Variants in TRHDE observed in about 807,000 individuals in gnomAD.
TRHDE encodes thyrotropin-releasing hormone-degrading ectoenzyme.
In TRHDE, 72 loss-of-function variants were observed where a neutral mutation model predicts 125.7. That is an observed-to-expected ratio of 0.57 (90% CI 0.47 to 0.70). The LOEUF (loss-of-function observed/expected upper bound fraction) is 0.70. Among genes scored for constraint, TRHDE ranks in the 30% least tolerant of loss-of-function variants. TRHDE has a pLI of 0.00. For missense variants in TRHDE, 1,110 were observed against 1,327.1 expected, an observed-to-expected ratio of 0.84 and a Z score of 2.54; for synonymous variants, 509 against 509.1, an observed-to-expected ratio of 1.00 and a Z score of 0.00.
intron 5 of TRHDE, among the ~76,000 whole-genome samples, chr12:72,492,315 GCTAA>G (rs928617236): frequency 4.6e-5 from 7 of 151,834 alleles, no homozygotes; most frequent in Non-Finnish European, 1.0e-4. Flanking sequence ...GGTAAATCTA[GCTAA>G]CTTTCAACTG....
At chr12:72,422,493 A>G (rs1485609669) in intron 3 of TRHDE, among the ~76,000 whole-genome samples, 1 of 152,216 alleles carries the variant, frequency 6.6e-6, no homozygotes, top group Non-Finnish European at 1.5e-5. Context: ...GAAATGGATT[A>G]AGATAGGAAT....
chr12:72,656,916 T>C lies in TRHDE; in HGVS notation c.2985-11T>C. ...CCTGCATTGACATTAAGACTCTTTT[T>C]TTCTTTTGAGGTATGGAGAAGCATT... On this transcript the variant is annotated splice_polypyrimidine_tract_variant and intron_variant, in intron 17 of 18. Coordinates refer to ENST00000261180, the MANE Select transcript of TRHDE (RefSeq NM_013381.3). 1 of 1,583,772 alleles carries C rather than the reference T, an allele frequency of 6.3e-7. No individual in the cohort carries two copies. The highest frequency in any genetic ancestry group is 1.4e-5 in the African/African-American group (1 of 73,640).
chr12:72,418,233 T>C (rs1873810386), intron 3 of TRHDE, among the ~76,000 whole-genome samples: 1 of 152,196 alleles, frequency 6.6e-6, no homozygotes, highest in Non-Finnish European at 1.5e-5. Flanking sequence ...GTTTCTCTTT[T>C]TGTGTTCAAT....
intron 15 of TRHDE, among the ~76,000 whole-genome samples, chr12:72,641,219 A>AATT (rs1352082194): frequency 6.6e-6 from 1 of 152,212 alleles, no homozygotes; most frequent in African/African-American, 2.4e-5. Context: ...TGGCAAGTAT[A>AATT]ATTTTCCTCT....
intron 14 of TRHDE, 40 bp downstream of exon 14, chr12:72,621,245 G>A: frequency 7.5e-7 from 1 of 1,335,126 alleles, no homozygotes; most frequent in Non-Finnish European, 1.1e-6. Context: ...TACCCCTAGA[G>A]CTGTATAATA....
At chr12:72,527,518 A>G (rs1868357080) in intron 6 of TRHDE, among the ~76,000 whole-genome samples, 1 of 151,836 alleles carries the variant, frequency 6.6e-6, no homozygotes, top group African/African-American at 2.4e-5. Flanking sequence ...GAGGCAGGGG[A>G]CCAGACAGAT....
intron 6 of TRHDE, among the ~76,000 whole-genome samples, chr12:72,510,868 C>A (rs1041709527): frequency 6.6e-6 from 1 of 151,968 alleles, no homozygotes; most frequent in Non-Finnish European, 1.5e-5. Context: ...GGAGATAAAG[C>A]CTATAGAAAA....
At position 72,542,347 on chromosome 12, in the gene TRHDE, G is replaced by A; in HGVS notation, c.1779G>A (p.Arg593=). Residue 593 remains arginine, a synonymous_variant, in exon 7 of 19, where the codon AGG becomes AGA. Transcript: ENST00000261180. Reference sequence around the variant, plus strand: ...TTATGGGCCATTCAGTTTTCCAGAGGGGTTTGCAAGTAAGTAAAATGCTTT... The same window carrying A: ...TTATGGGCCATTCAGTTTTCCAGAGAGGTTTGCAAGTAAGTAAAATGCTTT... ...ANFMGHSVFQ[R]GLQDYLTIHK... is the part of the protein sequence containing the mutation. 1 of 1,602,738 alleles carries A rather than the reference G, an allele frequency of 6.2e-7. No individual in the cohort carries two copies. Among genetic ancestry groups the A allele is most frequent in the Admixed American group, 1.7e-5 (1 of 59,476 alleles).
intron 2 of TRHDE, among the ~76,000 whole-genome samples, chr12:72,132,477 T>G (rs1379847855): frequency 6.6e-6 from 1 of 152,164 alleles, no homozygotes; most frequent in East Asian, 1.9e-4. Flanking sequence ...GAGTACAGCC[T>G]CAAGATACAA....
intron 6 of TRHDE, among the ~76,000 whole-genome samples, chr12:72,521,233 C>G (rs1477153772): frequency 1.3e-5 from 2 of 152,224 alleles, no homozygotes; most frequent in East Asian, 3.9e-4. Flanking sequence ...CAAAACCAGT[C>G]TCATGATTTC....
At chr12:72,590,946 G>T (rs1243843822) in intron 12 of TRHDE, among the ~76,000 whole-genome samples, 3 of 151,834 alleles carry the variant, frequency 2.0e-5, no homozygotes, top group Non-Finnish European at 4.4e-5. Flanking sequence ...ATTTGTATTA[G>T]TCTGTTCTCA....
chr12:72,225,138 T>C (rs1402737061), intron 2 of TRHDE, among the ~76,000 whole-genome samples: 1 of 152,172 alleles, frequency 6.6e-6, no homozygotes, highest in East Asian at 1.9e-4. Context: ...TATACTAAAA[T>C]GATGTAATTG....
intron 2 of TRHDE, among the ~76,000 whole-genome samples, chr12:72,319,575 A>C (rs945282475): frequency 6.6e-6 from 1 of 152,012 alleles, no homozygotes; most frequent in African/African-American, 2.4e-5. Context: ...ATCTTTCTCT[A>C]TCTTTCTCTA....
At chr12:72,627,665 A>G (rs1873315541) in intron 15 of TRHDE, among the ~76,000 whole-genome samples, 1 of 151,868 alleles carries the variant, frequency 6.6e-6, no homozygotes, top group Admixed American at 6.6e-5. Context: ...GGGTAATGGC[A>G]TGTCTGGTTA....
At chr12:72,626,913 C>CTATT in intron 15 of TRHDE, among the ~76,000 whole-genome samples, 1 of 151,960 alleles carries the variant, frequency 6.6e-6, no homozygotes, top group Middle Eastern at 3.4e-3. Flanking sequence ...TGGTGTGGTC[C>CTATT]TATTTCCTCA....
intron 12 of TRHDE, among the ~76,000 whole-genome samples, chr12:72,597,031 TAGAA>T (rs1236214484): frequency 3.9e-5 from 6 of 152,170 alleles, no homozygotes; most frequent in Admixed American, 2.0e-4. Flanking sequence ...TCTGCAAAAA[TAGAA>T]AGACCATTTA....
At position 72,094,338 on chromosome 12, in the gene TRHDE, G is replaced by A. The variant is rs375687209; in HGVS notation, n.174+6899G>A. Among the ~76,000 whole-genome samples the A allele has an allele frequency of 8.6e-5, 13 of 151,816 alleles. No homozygotes were observed. In the East Asian group the frequency reaches 1.6e-3, roughly 18 times the overall value. ...AGAGGGGCTGGGGACTGAGTTACAG[G>A]GCTGAGTAAGGGGCCATAGCCAAGG... On this transcript the variant is annotated intron_variant and non_coding_transcript_variant, in intron 1 of 4. Transcript: ENST00000548156.
At chr12:72,634,616 G>C (rs959561692) in intron 15 of TRHDE, among the ~76,000 whole-genome samples, 2 of 151,530 alleles carry the variant, frequency 1.3e-5, no homozygotes, top group African/African-American at 2.4e-5. Flanking sequence ...TCGTCATCTA[G>C]CATTAGGTAT....
At chr12:72,308,717 T>C (rs1012680679) in intron 2 of TRHDE, among the ~76,000 whole-genome samples, 3 of 152,132 alleles carry the variant, frequency 2.0e-5, no homozygotes, top group African/African-American at 7.2e-5. Flanking sequence ...TCCAATTAAG[T>C]ATTGTTTCTA....
Sources: gnomAD v4.1 joint callset for allele counts (sites outside exome capture counted in the v4.1 genomes callset) on GRCh38, gnomAD v4.1.1 for gene constraint, MANE v1.5 for transcripts, NCBI Gene and HGNC (gene_info 2026-07-23, HGNC 2026-07-21) for gene names.